The following CCDC149 variants were observed in gnomAD, a reference collection of about 807,000 sequenced individuals.
CCDC149 encodes coiled-coil domain containing 149, also known as coiled-coil domain-containing protein 149.
A neutral mutation model predicts 59.9 loss-of-function variants in CCDC149; 45 were observed. That is an observed-to-expected ratio of 0.75 (90% CI 0.59 to 0.96). The LOEUF is 0.96. CCDC149 is among the 40% of genes least tolerant of loss of function. CCDC149 has a pLI of 0.00. For missense variants in CCDC149, 584 were observed against 664.7 expected (o/e 0.88, Z 1.33); for synonymous variants, 245 against 260.6 (o/e 0.94, Z 0.58).
At chr4:24,901,333 C>A (rs563612829) in intron 1 of CCDC149, among the ~76,000 whole-genome samples, 1 of 143,570 alleles carries the variant, frequency 7.0e-6, no homozygotes, top group South Asian at 2.3e-4. Context: ...TATGGTTTTA[C>A]TGGTGGAAAA....
chr4:24,831,497 G>A lies in CCDC149; in HGVS notation c.965+9C>T, dbSNP rs1716144025. On this transcript the variant is annotated intron_variant, in intron 9 of 12. Coordinates refer to ENST00000635206, the MANE Select transcript of CCDC149 (RefSeq NM_001330643.2). ...GCCCACCCCCCAACACAAGAGTTTG[G>A]CCACCTACTTGTTGGTTTGCCTCTG... 6.2e-7 allele frequency: 1 copy of A among 1,613,124 alleles called. No homozygotes were observed. Among genetic ancestry groups the A allele is most frequent in the Non-Finnish European group, 8.5e-7 (1 of 1,179,712 alleles).
intron 1 of CCDC149, among the ~76,000 whole-genome samples, chr4:24,893,613 C>CTGTTTTTTTTTTTTTTTTT (rs1720656007): frequency 3.0e-5 from 2 of 65,876 alleles, no homozygotes; most frequent in African/African-American, 5.7e-5. Flanking sequence ...AAAATACAGA[C>CTGTTTTTTTTTTTTTTTTT]TTTTTTTTTT....
Position 24,962,050 on chromosome 4 carries a change from C to G in CCDC149, c.-65+18019G>C, listed in dbSNP as rs868616338. On this transcript the variant is annotated intron_variant, in intron 1 of 12. Coordinates refer to the CCDC149 transcript ENST00000389609. Reference sequence around the variant, plus strand: ...CCTACAGAATGGGAGAAAATTTTTGCAATCTACTCATCTGACAAAGGGCTA... The same window carrying G: ...CCTACAGAATGGGAGAAAATTTTTGGAATCTACTCATCTGACAAAGGGCTA... Among the ~76,000 whole-genome samples, 813 of 151,064 alleles carry G rather than the reference C, an allele frequency of 5.4e-3. 10 individuals are homozygous for G. Among genetic ancestry groups the G allele is most frequent in the African/African-American group, 0.018 (762 of 41,210 alleles).
intron 1 of CCDC149, among the ~76,000 whole-genome samples, chr4:24,884,165 G>A (rs1720017850): frequency 6.6e-6 from 1 of 152,192 alleles, no homozygotes; most frequent in Admixed American, 6.5e-5. Context: ...GATTGACAGT[G>A]TCAACAACAA....
chr4:24,887,506 T>C (rs1004472427), intron 1 of CCDC149, among the ~76,000 whole-genome samples: 9 of 152,072 alleles, frequency 5.9e-5, no homozygotes, highest in African/African-American at 1.7e-4. Context: ...TCTGTAGAGG[T>C]ACCTCCTCCC....
chr4:24,841,727 C>G (rs747095381), intron 4 of CCDC149, among the ~76,000 whole-genome samples: 14 of 152,252 alleles, frequency 9.2e-5, no homozygotes, highest in Non-Finnish European at 1.8e-4. Context: ...AGTCTGTGAG[C>G]TGTGCAACCT....
chr4:24,873,658 C>A (rs1560229925), intron 3 of CCDC149, 23 bp downstream of exon 3: 1 of 1,556,198 alleles, frequency 6.4e-7, no homozygotes, highest in Non-Finnish European at 8.9e-7. Context: ...ATAAAAAAAT[C>A]TGAGATCAGA....
At chr4:24,949,345 A>C (rs1387373303) in intron 1 of CCDC149, among the ~76,000 whole-genome samples, 1 of 145,692 alleles carries the variant, frequency 6.9e-6, no homozygotes, top group Non-Finnish European at 1.5e-5. Context: ...CCCCACCCTC[A>C]TGCGTTTACA....
chr4:24,889,808 G>C (rs1211574082), intron 1 of CCDC149, among the ~76,000 whole-genome samples: 1 of 152,116 alleles, frequency 6.6e-6, no homozygotes, highest in Non-Finnish European at 1.5e-5. Flanking sequence ...AACTGCTGTG[G>C]TTCATTTTAT....
downstream of CCDC149, chr4:24,806,002 A>C (rs376037300): frequency 5.9e-5 from 9 of 152,338 alleles, no homozygotes; most frequent in African/African-American, 1.9e-4. Flanking sequence ...GTTTCTGTTA[A>C]GTGTGGCTTG....
intron 1 of CCDC149, among the ~76,000 whole-genome samples, chr4:24,912,477 C>G (rs562811435): frequency 3.4e-4 from 52 of 152,294 alleles, no homozygotes; most frequent in African/African-American, 1.2e-3. Context: ...TTGTTTGGCT[C>G]CACAACAGTG....
intron 3 of CCDC149, among the ~76,000 whole-genome samples, chr4:24,861,449 A>C (rs1321374598): frequency 1.3e-5 from 2 of 152,190 alleles, no homozygotes; most frequent in African/African-American, 4.8e-5. Context: ...ACACAAAGGC[A>C]TAAGAATGAA....
intron 1 of CCDC149, among the ~76,000 whole-genome samples, chr4:24,890,106 TTA>T (rs1296447221): frequency 6.6e-6 from 1 of 152,100 alleles, no homozygotes; most frequent in Non-Finnish European, 1.5e-5. Flanking sequence ...CACCTGGGCT[TTA>T]GAGTGACATG....
At chr4:24,896,866 A>C (rs1720873294) in intron 1 of CCDC149, among the ~76,000 whole-genome samples, 2 of 152,232 alleles carry the variant, frequency 1.3e-5, no homozygotes, top group South Asian at 4.1e-4. Context: ...AAAAGAAAAA[A>C]AAAATCAACG....
chr4:24,851,124 T>C (rs1485493483), intron 4 of CCDC149, among the ~76,000 whole-genome samples: 1 of 152,184 alleles, frequency 6.6e-6, no homozygotes, highest in Non-Finnish European at 1.5e-5. Flanking sequence ...GTTTGATAAA[T>C]GTGCCCAGGT....
chr4:24,879,214 C>T (rs961209684), intron 1 of CCDC149, among the ~76,000 whole-genome samples: 1 of 152,086 alleles, frequency 6.6e-6, no homozygotes, highest in Non-Finnish European at 1.5e-5. Context: ...CTATAAGGAA[C>T]CCTAGAAAAC....
chr4:24,955,753 G>T (rs2109357875), intron 1 of CCDC149, among the ~76,000 whole-genome samples: 1 of 152,278 alleles, frequency 6.6e-6, no homozygotes, highest in South Asian at 2.1e-4. Context: ...CTGTTCAATG[G>T]TAATAGAGTT....
At chr4:24,836,292 A>T (rs1716514463) in intron 7 of CCDC149, 144 bp downstream of exon 7, 1 of 653,650 alleles carries the variant, frequency 1.5e-6, no homozygotes, top group East Asian at 2.6e-5. Flanking sequence ...TGTACTGGTT[A>T]CCCCAGTTAA....
intron 1 of CCDC149, among the ~76,000 whole-genome samples, chr4:24,951,152 C>G (rs1339607884): frequency 1.3e-5 from 2 of 152,238 alleles, no homozygotes; most frequent in Admixed American, 1.3e-4. Context: ...GTCACCCGGG[C>G]TGCAGGCAGC....
Sources: allele counts gnomAD v4.1 joint callset (sites outside exome capture counted in the v4.1 genomes callset), GRCh38; gene constraint gnomAD v4.1.1; transcripts MANE v1.5; gene names NCBI Gene and HGNC (gene_info 2026-07-23, HGNC 2026-07-21).